The following FBXO22 variants were observed in gnomAD, a reference collection of about 807,000 sequenced individuals.
FBXO22 encodes F-box protein 22.
FBXO22 carries 13 observed loss-of-function variants against 37.2 expected under a neutral mutation model. The observed-to-expected ratio is 0.35, with a 90% CI of 0.23 to 0.56. The LOEUF is 0.56. Ranked by LOEUF, FBXO22 falls within the 20% of genes least tolerant of loss-of-function variation. The probability of loss-of-function intolerance (pLI) is 0.87; values close to 1 mark genes in which losing one functional copy is unlikely to be tolerated. For missense variants in FBXO22, 446 were observed against 509.9 expected (o/e 0.87, Z 1.21); for synonymous variants, 189 against 189.1 (o/e 1.00, Z 0.00).
chr15:75,930,166 C>A, intron 6 of FBXO22, 117 bp downstream of exon 6: 4 of 1,544,686 alleles, frequency 2.6e-6, no homozygotes, highest in Middle Eastern at 2.1e-4. Flanking sequence ...GATAATAGTT[C>A]ATTCCATTTT....
chr15:75,908,498 G>A (rs575181521), intron 2 of FBXO22, among the ~76,000 whole-genome samples: 2 of 152,012 alleles, frequency 1.3e-5, no homozygotes, highest in African/African-American at 4.8e-5. Context: ...GTCTCACCCT[G>A]GCCTCAGGCA....
In FBXO22 at chr15:75,933,398, T is replaced by A; in HGVS notation, c.*296T>A. 3.2e-6 allele frequency: 1 copy of A among 312,874 alleles called. No homozygotes were observed. Among genetic ancestry groups the A allele is most frequent in the Non-Finnish European group, 5.9e-6 (1 of 168,512 alleles). The allele number at this position is 312,874 out of a possible 1,614,324, so 19.4% of individuals were successfully genotyped here. On this transcript the variant is annotated 3_prime_UTR_variant, in exon 7 of 7. Transcript: ENST00000308275. ...GTAACATGACCTTAAATAGTCTTCC[T>A]GCATAGGAAGAGCAAAAGGGTATTC...
intron 5 of FBXO22, among the ~76,000 whole-genome samples, chr15:75,921,640 GA>G (rs869080471): frequency 3.9e-5 from 1 of 25,344 alleles, no homozygotes; most frequent in Admixed American, 8.7e-4. Flanking sequence ...CAGCCTGGGC[GA>G]CAGCGAGACT....
At chr15:75,918,357 G>C (rs533788016) in intron 5 of FBXO22, among the ~76,000 whole-genome samples, 1 of 152,216 alleles carries the variant, frequency 6.6e-6, no homozygotes, top group Admixed American at 6.5e-5. Flanking sequence ...TTGGTGGATG[G>C]GAGGGGAAGC....
At chr15:75,916,595 G>C (rs193033973) in intron 4 of FBXO22, among the ~76,000 whole-genome samples, 31 of 152,236 alleles carry the variant, frequency 2.0e-4, no homozygotes, top group Admixed American at 1.9e-3. Flanking sequence ...ATGAATTTGG[G>C]GTAGGCAGTA....
chr15:75,904,869 G>A (rs1313402511), intron 2 of FBXO22, among the ~76,000 whole-genome samples: 3 of 144,080 alleles, frequency 2.1e-5, no homozygotes, highest in African/African-American at 7.7e-5. Context: ...TGTGGCCCAG[G>A]CTGGAGTGCA....
Position 75,913,228 on chromosome 15 carries a change from T to C in FBXO22, c.305T>C (p.Val102Ala). The change falls in exon 3 of 7, where the codon GTT (valine) becomes GCT (alanine). Residue 102 changes from valine (V) to alanine (A), a missense_variant. Val to Ala is a moderately conservative substitution (Grantham distance 64). This residue lies in a region of FBXO22 where 315 missense variants were observed against 410.1 expected (regional missense o/e 0.77). Coordinates refer to ENST00000308275, the MANE Select transcript of FBXO22 (RefSeq NM_147188.3). Reference sequence around the variant, plus strand: ...AATGTTCGCATCTTACCACATACAGTTCTTTACATGGCTGATTCAGAAACT... The same window carrying C: ...AATGTTCGCATCTTACCACATACAGCTCTTTACATGGCTGATTCAGAAACT... ...LENVRILPHT[V>A]LYMADSETFI... 1 of 1,610,688 alleles carries C rather than the reference T, an allele frequency of 6.2e-7. No individual in the cohort carries two copies.
At chr15:75,928,813 G>T (rs1320377455) in intron 5 of FBXO22, among the ~76,000 whole-genome samples, 1 of 152,144 alleles carries the variant, frequency 6.6e-6, no homozygotes, top group Admixed American at 6.6e-5. Flanking sequence ...GAGCAAGTAG[G>T]CTGTCTCTGT....
chr15:75,922,352 G>T (rs751969919), intron 5 of FBXO22, among the ~76,000 whole-genome samples: 1 of 152,206 alleles, frequency 6.6e-6, no homozygotes, highest in Non-Finnish European at 1.5e-5. Flanking sequence ...AAGTGAGTAT[G>T]TGAGGTGTTC....
intron 1 of FBXO22, 171 bp from the exon 2 acceptor site, chr15:75,904,320 C>G: frequency 1.8e-6 from 2 of 1,138,996 alleles, no homozygotes; most frequent in Non-Finnish European, 2.5e-6. Context: ...AGGTTTTCTC[C>G]ATATCTGGCT....
chr15:75,914,887 G>A (rs1900147635), intron 4 of FBXO22, among the ~76,000 whole-genome samples: 1 of 152,148 alleles, frequency 6.6e-6, no homozygotes, highest in South Asian at 2.1e-4. Flanking sequence ...TTCCTTGGAG[G>A]GTTGTGAGAA....
At chr15:75,924,233 G>A (rs1020752175) in intron 5 of FBXO22, among the ~76,000 whole-genome samples, 5 of 152,116 alleles carry the variant, frequency 3.3e-5, no homozygotes, top group Non-Finnish European at 5.9e-5. Context: ...GAGGAGGGCC[G>A]GGGAGGAGGC....
In FBXO22 at chr15:75,933,089, G is replaced by A. The variant is rs945582178; in HGVS notation, c.1199G>A (p.Gly400Glu). Residue 400 changes from glycine (G) to glutamate (E), a missense_variant, in exon 7 of 7, where the codon GGG (glycine) becomes GAG (glutamate). By Grantham distance (98) the Gly-to-Glu change is moderately conservative (BLOSUM62 -2). Transcript: ENST00000308275. ...YTTIMALIHL[G>E]SSK ...ACAATAATGGCACTCATACATCTGG[G>A]GTCATCTAAATAATAATTAAAGTGG... 1 of 1,599,428 alleles carries A rather than the reference G, an allele frequency of 6.3e-7. No homozygotes were observed. The highest frequency in any genetic ancestry group is 8.5e-7 in the Non-Finnish European group (1 of 1,173,314).
Position 75,903,895 on chromosome 15 carries a change from C to A in FBXO22, c.-69C>A. The A allele has an allele frequency of 7.1e-7, 1 of 1,405,268 alleles. No homozygotes were observed. Among genetic ancestry groups the A allele is most frequent in the South Asian group, 1.5e-5 (1 of 64,764 alleles). The allele number at this position is 1,405,268 out of a possible 1,614,324, so 87.0% of individuals were successfully genotyped here. A position where few individuals can be genotyped will look rare whatever the true frequency, so the allele number is the denominator to read the frequency against. On this transcript the variant is annotated 5_prime_UTR_variant, in exon 1 of 7. Coordinates refer to ENST00000308275, the MANE Select transcript of FBXO22 (RefSeq NM_147188.3). ...GCCTGCTCAGTGCGCGCCGGCCGGG[C>A]AACCCTATGCTGGCGTAATCGGGTT...
intron 5 of FBXO22, among the ~76,000 whole-genome samples, chr15:75,929,125 C>A (rs2029914259): frequency 6.6e-6 from 1 of 152,010 alleles, no homozygotes; most frequent in Non-Finnish European, 1.5e-5. Context: ...AGGGGAGAGT[C>A]TGTTCTTTTT....
Position 75,904,085 on chromosome 15 carries a change from C to T in FBXO22, c.122C>T (p.Ala41Val). ...ERVLTFLPAKALLRVACVCRL... is the reference protein window; with the variant it reads ...ERVLTFLPAKVLLRVACVCRL... ...GTGCTCACCTTCCTGCCCGCCAAGGCGTTGCTGCGGGTGGCCTGGTGAGGA... is the reference window on the plus strand; with the variant it reads ...GTGCTCACCTTCCTGCCCGCCAAGGTGTTGCTGCGGGTGGCCTGGTGAGGA... Residue 41 changes from alanine (A) to valine (V), a missense_variant, in exon 1 of 7, where the codon GCG becomes GTG. By Grantham distance (64) the Ala-to-Val change is moderately conservative. Transcript: ENST00000308275. The T allele has an allele frequency of 6.5e-7, 1 of 1,546,692 alleles. No individual in the cohort carries two copies. Among genetic ancestry groups the T allele is most frequent in the Non-Finnish European group, 8.7e-7 (1 of 1,143,838 alleles).
chr15:75,920,280 CAAAGG>C (rs1900288590), intron 5 of FBXO22, among the ~76,000 whole-genome samples: 1 of 152,154 alleles, frequency 6.6e-6, no homozygotes, highest in African/African-American at 2.4e-5. Flanking sequence ...GTCTGAAACT[CAAAGG>C]AATGGCTGTG....
chr15:75,906,052 T>TA (rs1352198879), intron 2 of FBXO22, among the ~76,000 whole-genome samples: 41 of 152,242 alleles, frequency 2.7e-4, no homozygotes, highest in Admixed American at 2.2e-3. Flanking sequence ...CAGTGGGATA[T>TA]AATCTGTTAC....
At chr15:75,908,152 A>C (rs1259865179) in intron 2 of FBXO22, among the ~76,000 whole-genome samples, 1 of 152,192 alleles carries the variant, frequency 6.6e-6, no homozygotes, top group East Asian at 1.9e-4. Flanking sequence ...ATAAACTCTC[A>C]GGACCAGACT....
Sources: gnomAD v4.1 joint callset for allele counts (sites outside exome capture counted in the v4.1 genomes callset) on GRCh38, gnomAD v4.1.1 for gene constraint, gnomAD v4.1.1 regional missense constraint, MANE v1.5 for transcripts, NCBI Gene and HGNC (gene_info 2026-07-23, HGNC 2026-07-21) for gene names.